The following CACNA1C variants were observed in gnomAD, a reference collection of about 807,000 sequenced individuals.
The protein encoded by CACNA1C is calcium voltage-gated channel subunit alpha1 C, also known as voltage-dependent L-type calcium channel subunit alpha-1C.
In CACNA1C, 30 loss-of-function variants were observed where a neutral mutation model predicts 229.0. That is an observed-to-expected ratio of 0.13 (90% CI 0.10 to 0.18). CACNA1C has a LOEUF of 0.18. CACNA1C is among the 10% of genes least tolerant of loss of function. CACNA1C has a pLI of 1.00. For missense variants in CACNA1C, 1,658 were observed against 2,845.0 expected (o/e 0.58, Z 9.49); for synonymous variants, 1,114 against 1,132.5 (o/e 0.98, Z 0.33).
chr12:2,298,309 CT>C (rs907872342), intron 3 of CACNA1C, among the ~76,000 whole-genome samples: 3 of 151,426 alleles, frequency 2.0e-5, no homozygotes, highest in Non-Finnish European at 4.4e-5. Context: ...GTGACAGGGT[CT>C]TTTTTTTTAG....
intron 3 of CACNA1C, among the ~76,000 whole-genome samples, chr12:2,421,005 A>G (rs913462486): frequency 3.3e-5 from 5 of 152,214 alleles, no homozygotes; most frequent in African/African-American, 9.7e-5. Flanking sequence ...TAAAATGGCC[A>G]TAATAGCTAA....
chr12:2,154,007 C>T (rs1475385546), intron 3 of CACNA1C, among the ~76,000 whole-genome samples: 1 of 151,756 alleles, frequency 6.6e-6, no homozygotes, highest in African/African-American at 2.4e-5. Flanking sequence ...GGTAGAGGTT[C>T]TTTAAAATTC....
chr12:2,609,777 C>G (rs2076828558), intron 27 of CACNA1C, among the ~76,000 whole-genome samples: 1 of 151,828 alleles, frequency 6.6e-6, no homozygotes, highest in African/African-American at 2.4e-5. Context: ...GAATCTCCTT[C>G]CCTCTCAGTG....
chr12:2,009,625 T>G (rs1205390053), intron 1 of CACNA1C, among the ~76,000 whole-genome samples: 1 of 152,248 alleles, frequency 6.6e-6, no homozygotes, highest in Non-Finnish European at 1.5e-5. Flanking sequence ...GCTATGCTTT[T>G]GCCATCTGTA....
At chr12:2,036,045 G>A (rs911220411) in intron 1 of CACNA1C, among the ~76,000 whole-genome samples, 1 of 152,144 alleles carries the variant, frequency 6.6e-6, no homozygotes, top group Admixed American at 6.5e-5. Flanking sequence ...TTTCTTTACT[G>A]GTAAATGGGG....
intron 11 of CACNA1C, among the ~76,000 whole-genome samples, chr12:2,563,507 T>G (rs2048601165): frequency 6.6e-6 from 1 of 152,238 alleles, no homozygotes; most frequent in Non-Finnish European, 1.5e-5. Flanking sequence ...AGCAGAACAC[T>G]GCCTGGATTA....
intron 3 of CACNA1C, among the ~76,000 whole-genome samples, chr12:2,140,787 G>C (rs1292741578): frequency 6.6e-6 from 1 of 151,440 alleles, no homozygotes; most frequent in Non-Finnish European, 1.5e-5. Flanking sequence ...GCGGAAACAA[G>C]GGTGCGCAGG....
Position 2,505,917 on chromosome 12 carries a change from A to G in CACNA1C, c.1217+972A>G, listed in dbSNP as rs192856645. 1.6e-3 allele frequency among the ~76,000 whole-genome samples: 251 copies of G among 152,172 alleles called. 1 individual carries two copies. The highest frequency in any genetic ancestry group is 6.0e-3 in the African/African-American group (248 of 41,488). ...AGCTGCTTTGCAGAGTCTTCCCTAAATGTCTAGAGAGGTTAATGCTGGGAG... is the reference window on the plus strand; with the variant it reads ...AGCTGCTTTGCAGAGTCTTCCCTAAGTGTCTAGAGAGGTTAATGCTGGGAG... On this transcript the variant is annotated intron_variant, in intron 8 of 46. Coordinates refer to ENST00000399655, the MANE Select transcript of CACNA1C (RefSeq NM_000719.7).
rs898229190 is a variant in CACNA1C at position 2,271,857 on chromosome 12, C to A, written c.477+151427C>A. 3.9e-5 allele frequency among the ~76,000 whole-genome samples: 6 copies of A among 152,270 alleles called. No homozygotes were observed. In the East Asian group the frequency reaches 1.2e-3, roughly 29 times the overall value. On this transcript the variant is annotated intron_variant, in intron 3 of 46. Coordinates refer to ENST00000399655, the MANE Select transcript of CACNA1C (RefSeq NM_000719.7). ...GCTGCAGTGAGCTGTGATCACACCACTGTACTCCAGCCTGGGTGAGAGAGT... is the reference window on the plus strand; with the variant it reads ...GCTGCAGTGAGCTGTGATCACACCAATGTACTCCAGCCTGGGTGAGAGAGT...
At chr12:2,443,723 C>T (rs1226038739) in intron 3 of CACNA1C, among the ~76,000 whole-genome samples, 1 of 152,190 alleles carries the variant, frequency 6.6e-6, no homozygotes, top group East Asian at 1.9e-4. Context: ...TTCAAGGAAC[C>T]AGAGGCACGT....
intron 3 of CACNA1C, among the ~76,000 whole-genome samples, chr12:2,122,268 T>G (rs2154151287): frequency 6.6e-6 from 1 of 152,286 alleles, no homozygotes; most frequent in South Asian, 2.1e-4. Context: ...TGTGTAACTT[T>G]ACCAAACATC....
In CACNA1C at chr12:2,668,806, G is replaced by A. The variant is rs140250064; in HGVS notation, c.4624-127G>A. On this transcript the variant is annotated intron_variant, in intron 37 of 46. Transcript: ENST00000399655. The stretch of plus-strand genomic sequence containing the variant: ...CATCAGGCCCCACCTCCAATTCTGG[G>A]GATTACAATTCAACATGAGATTTGG... The A allele has an allele frequency of 2.6e-4, 175 of 681,064 alleles. No individual in the cohort carries two copies. In the African/African-American group the frequency reaches 2.7e-3, roughly 10 times the overall value. The allele number at this position is 681,064 out of a possible 1,614,324, so 42.2% of individuals were successfully genotyped here.
chr12:2,465,791 G>A (rs1368522024), intron 5 of CACNA1C, among the ~76,000 whole-genome samples: 1 of 152,092 alleles, frequency 6.6e-6, no homozygotes, highest in Non-Finnish European at 1.5e-5. Context: ...AACCCACCCG[G>A]GCTGGTGGCA....
At chr12:2,179,667 G>A (rs2096773014) in intron 3 of CACNA1C, among the ~76,000 whole-genome samples, 1 of 152,198 alleles carries the variant, frequency 6.6e-6, no homozygotes, top group South Asian at 2.1e-4. Flanking sequence ...GATGTCCAGA[G>A]GAAGGAACAG....
At chr12:2,256,386 G>C (rs1489848637) in intron 3 of CACNA1C, among the ~76,000 whole-genome samples, 1 of 152,170 alleles carries the variant, frequency 6.6e-6, no homozygotes, top group African/African-American at 2.4e-5. Context: ...CTGTGTCTAC[G>C]TTGCTAGAAA....
intron 9 of CACNA1C, among the ~76,000 whole-genome samples, chr12:2,542,861 A>G (rs2099874745): frequency 6.6e-6 from 1 of 152,186 alleles, no homozygotes; most frequent in Admixed American, 6.5e-5. Context: ...GGGAGAAGAC[A>G]TTAATTAAAG....
At chr12:2,052,516 GCGC>G (rs2052496537), upstream of CACNA1C, among the ~76,000 whole-genome samples, 1 of 151,482 alleles carries the variant, frequency 6.6e-6, no homozygotes, top group South Asian at 2.1e-4. Flanking sequence ...CAGCAGGGAC[GCGC>G]CGCCGCAGCG....
intron 3 of CACNA1C, among the ~76,000 whole-genome samples, chr12:2,270,533 A>G (rs1391325458): frequency 6.6e-6 from 1 of 152,230 alleles, no homozygotes; most frequent in Non-Finnish European, 1.5e-5. Context: ...GTGAGAGAAC[A>G]CGAGTAGTCT....
chr12:2,087,993 G>T (rs903370827), intron 1 of CACNA1C, among the ~76,000 whole-genome samples: 1 of 152,156 alleles, frequency 6.6e-6, no homozygotes, highest in African/African-American at 2.4e-5. Flanking sequence ...CATTCTGCAG[G>T]TTACTCACTT....
Sources: allele counts gnomAD v4.1 joint callset (sites outside exome capture counted in the v4.1 genomes callset), GRCh38; gene constraint gnomAD v4.1.1; transcripts MANE v1.5; gene names NCBI Gene and HGNC (gene_info 2026-07-23, HGNC 2026-07-21).